Variants in CCNDBP1 observed in about 807,000 individuals in gnomAD.
CCNDBP1 encodes cyclin D1 binding protein 1.
CCNDBP1 carries 45 observed loss-of-function variants against 46.2 expected under a neutral mutation model. That is an observed-to-expected ratio of 0.97 (90% CI 0.77 to 1.25). The LOEUF (loss-of-function observed/expected upper bound fraction) is 1.25. Among genes scored for constraint, CCNDBP1 ranks in the 50% most tolerant of loss-of-function variants. The probability of loss-of-function intolerance (pLI) is 0.00; values close to 1 mark genes in which losing one functional copy is unlikely to be tolerated. For synonymous variants in CCNDBP1, 154 were observed against 163.6 expected, an observed-to-expected ratio of 0.94 and a Z score of 0.45; for missense variants, 436 against 442.1, an observed-to-expected ratio of 0.99 and a Z score of 0.12.
chr15:43,189,977 G>A (rs909888295), intron 4 of CCNDBP1, 78 bp from the exon 5 acceptor site: 4 of 1,237,562 alleles, frequency 3.2e-6, no homozygotes, highest in Admixed American at 1.8e-5. Context: ...TTATAGTTCT[G>A]TAATGCTTAG....
intron 3 of CCNDBP1, among the ~76,000 whole-genome samples, chr15:43,188,244 T>C (rs2041884689): frequency 1.3e-5 from 2 of 152,202 alleles, no homozygotes; most frequent in African/African-American, 4.8e-5. Context: ...AGAAAGCCAG[T>C]GACCACCTAG....
chr15:43,185,680 GGGGAGAGGCCGGGCTCGGGGT>G, intron 1 of CCNDBP1, 73 bp downstream of exon 1: 1 of 1,419,760 alleles, frequency 7.0e-7, no homozygotes, highest in African/African-American at 1.5e-5. Context: ...GCTCGGGGTC[GGGGAGAGGCCGGGCTCGGGGT>G]CGCGGAGAGG....
intron 4 of CCNDBP1, 144 bp from the exon 5 acceptor site, chr15:43,189,911 G>GT: frequency 1.5e-6 from 1 of 650,100 alleles, no homozygotes; most frequent in Non-Finnish European, 2.7e-6. Flanking sequence ...GGGGATATAA[G>GT]TAAGACCTGA....
chr15:43,188,839 G>C, intron 3 of CCNDBP1: 1 of 181,814 alleles, frequency 5.5e-6, no homozygotes, highest in East Asian at 1.6e-4. Context: ...CACTTTGGGA[G>C]GCCAAGGGAG....
intron 2 of CCNDBP1, 36 bp downstream of exon 2, chr15:43,185,915 G>C (rs540587): frequency 0.87 from 1,390,860 of 1,591,864 alleles, 613,445 homozygotes; most frequent in Middle Eastern, 0.9. Flanking sequence ...CCTTGCCTCA[G>C]TTCCTCCAGC....
intron 3 of CCNDBP1, among the ~76,000 whole-genome samples, chr15:43,187,425 A>G (rs956154589): frequency 6.6e-6 from 1 of 152,032 alleles, no homozygotes; most frequent in Non-Finnish European, 1.5e-5. Flanking sequence ...ACCTGTCACC[A>G]CGCCTGGCTA....
At position 43,187,170 on chromosome 15, in the gene CCNDBP1, T is replaced by C. The variant is rs375422832; in HGVS notation, c.249+937T>C. On this transcript the variant is annotated intron_variant, in intron 3 of 10. Transcript: ENST00000300213. Reference sequence around the variant, plus strand: ...ATTTGATTTTCATAGTCAATTGTTTTAATTTTTCAGTCTACATATATAGGT... The same window carrying C: ...ATTTGATTTTCATAGTCAATTGTTTCAATTTTTCAGTCTACATATATAGGT... 3.3e-5 allele frequency among the ~76,000 whole-genome samples: 5 copies of C among 152,324 alleles called. No homozygotes were observed. The East Asian group carries it at 9.6e-4, about 29-fold the overall frequency.
chr15:43,186,289 CTA>C, intron 3 of CCNDBP1, 56 bp downstream of exon 3: 1 of 1,402,522 alleles, frequency 7.1e-7, no homozygotes, highest in Non-Finnish European at 1.0e-6. Context: ...TAGGAATCCT[CTA>C]ATTTTCTTTC....
chr15:43,189,130 A>G, intron 3 of CCNDBP1, 69 bp from the exon 4 acceptor site: 1 of 632,756 alleles, frequency 1.6e-6, no homozygotes, highest in South Asian at 2.4e-5. Flanking sequence ...GAAAAAGAAA[A>G]GAAATATCTG....
Position 43,185,552 on chromosome 15 carries a change from G to A in CCNDBP1, c.54G>A (p.Leu18=). 6.3e-7 allele frequency: 1 copy of A among 1,595,634 alleles called. No individual in the cohort carries two copies. The highest frequency in any genetic ancestry group is 8.5e-7 in the Non-Finnish European group (1 of 1,173,558). Residue 18 remains leucine, a synonymous_variant, in exon 1 of 11, where the codon TTG becomes TTA. Transcript: ENST00000300213. ...AAAVPTLASP[L]EQLRHLAEEL... ...CAGTCCCCACCCTGGCTTCGCCTTTGGAGCAGCTCCGGCACTTGGCGGAGG... is the reference window on the plus strand; with the variant it reads ...CAGTCCCCACCCTGGCTTCGCCTTTAGAGCAGCTCCGGCACTTGGCGGAGG...
At chr15:43,192,371 T>G (rs1265732257) in intron 8 of CCNDBP1, among the ~76,000 whole-genome samples, 1 of 152,238 alleles carries the variant, frequency 6.6e-6, no homozygotes, top group Admixed American at 6.5e-5. Context: ...GGTACTAAAT[T>G]TGATCACTTA....
chr15:43,191,845 CTGT>C (rs1865876504), intron 8 of CCNDBP1, among the ~76,000 whole-genome samples, 170 bp downstream of exon 8: 2 of 152,130 alleles, frequency 1.3e-5, no homozygotes, highest in Admixed American at 6.5e-5. Context: ...TTAGATTTGC[CTGT>C]TGTTCACATT....
intron 9 of CCNDBP1, chr15:43,194,141 AC>A (rs1223741307): frequency 3.1e-6 from 1 of 322,770 alleles, no homozygotes; most frequent in Non-Finnish European, 5.5e-6. Context: ...AATTCAGGTT[AC>A]ATTTTCCTTT....
At chr15:43,189,636 T>C in intron 4 of CCNDBP1, 1 of 309,650 alleles carries the variant, frequency 3.2e-6, no homozygotes. Context: ...TCTCACCCTA[T>C]TTCTGAACAT....
chr15:43,189,227 A>C lies in CCNDBP1; in HGVS notation c.278A>C (p.His93Pro), dbSNP rs748227477. 1.3e-5 allele frequency: 21 copies of C among 1,612,612 alleles called. No individual in the cohort carries two copies. Among genetic ancestry groups the C allele is most frequent in the Non-Finnish European group, 1.7e-5 (20 of 1,179,294 alleles). Residue 93 changes from histidine (H) to proline (P), a missense_variant, in exon 4 of 11, where the codon CAT (histidine) becomes CCT (proline). Physicochemically the swap from His to Pro is moderately conservative, Grantham distance 77. Transcript: ENST00000300213. ...ACCCAGAAGTTCTGTGAACAAGTCCATGCTGCCATCAAGGCATTTATTGCA... is the reference window on the plus strand; with the variant it reads ...ACCCAGAAGTTCTGTGAACAAGTCCCTGCTGCCATCAAGGCATTTATTGCA... ...QETQKFCEQV[H>P]AAIKAFIAVY...
chr15:43,190,874 A>T (rs2041937725), intron 6 of CCNDBP1, 92 bp from the exon 7 acceptor site: 1 of 1,052,280 alleles, frequency 9.5e-7, no homozygotes, highest in East Asian at 2.4e-5. Flanking sequence ...TGGCACTCCC[A>T]TCAATAGGAA....
At chr15:43,194,045 G>C (rs558674621) in intron 9 of CCNDBP1, 5 of 100,760 alleles carry the variant, frequency 5.0e-5, no homozygotes, top group African/African-American at 1.4e-4. Flanking sequence ...TTCTTAATGC[G>C]CTTTTTTTTT....
At chr15:43,186,265 G>A in intron 3 of CCNDBP1, 32 bp downstream of exon 3, 4 of 1,545,054 alleles carry the variant, frequency 2.6e-6, no homozygotes, top group Non-Finnish European at 3.6e-6. Flanking sequence ...TCCTTGGGCT[G>A]CCGAGTTACA....
At chr15:43,192,847 G>A in intron 9 of CCNDBP1, 44 bp downstream of exon 9, 5 of 1,521,268 alleles carry the variant, frequency 3.3e-6, no homozygotes, top group South Asian at 1.1e-5. Context: ...CAAATGGGCA[G>A]AATTTCACTA....
Sources: allele counts gnomAD v4.1 joint callset (sites outside exome capture counted in the v4.1 genomes callset), GRCh38; gene constraint gnomAD v4.1.1; transcripts MANE v1.5; gene names NCBI Gene and HGNC (gene_info 2026-07-23, HGNC 2026-07-21).